The following ATP8A2 variants were observed in gnomAD, a reference collection of about 807,000 sequenced individuals.
ATP8A2 encodes the protein phospholipid-transporting ATPase IB.
ATP8A2 carries 100 observed loss-of-function variants against 165.6 expected under a neutral mutation model. The ratio of observed to expected loss-of-function variants is 0.60; its 90% CI spans 0.51 to 0.71. The LOEUF (loss-of-function observed/expected upper bound fraction) is 0.71, where lower values mean the gene tolerates loss of function less well. ATP8A2 is among the 30% of genes least tolerant of loss of function. The pLI is 0.00. For synonymous variants in ATP8A2, 543 were observed against 548.8 expected (o/e 0.99, Z 0.15); for missense variants, 1,227 against 1,479.5 (o/e 0.83, Z 2.80).
intron 30 of ATP8A2, among the ~76,000 whole-genome samples, chr13:25,858,484 G>A (rs777721207): frequency 2.0e-5 from 3 of 152,128 alleles, no homozygotes; most frequent in South Asian, 4.1e-4. Context: ...TGCTTTCCTG[G>A]TTCATCTTCC....
intron 27 of ATP8A2, among the ~76,000 whole-genome samples, chr13:25,781,344 A>T (rs899728023): frequency 6.6e-6 from 1 of 152,082 alleles, no homozygotes; most frequent in Non-Finnish European, 1.5e-5. Flanking sequence ...GTAGATGAAT[A>T]CTTTGATTTT....
intron 24 of ATP8A2, among the ~76,000 whole-genome samples, chr13:25,668,228 G>A (rs1442742025): frequency 6.6e-6 from 1 of 152,122 alleles, no homozygotes; most frequent in African/African-American, 2.4e-5. Flanking sequence ...GGCAGGCCTA[G>A]CTCCTTTAGC....
At chr13:26,016,284 G>C (rs1956971471) in intron 36 of ATP8A2, among the ~76,000 whole-genome samples, 1 of 152,174 alleles carries the variant, frequency 6.6e-6, no homozygotes, top group African/African-American at 2.4e-5. Context: ...ATTTAGCACA[G>C]ACCTCACGTT....
At chr13:25,978,767 C>T (rs1032303881) in intron 35 of ATP8A2, among the ~76,000 whole-genome samples, 3 of 152,034 alleles carry the variant, frequency 2.0e-5, no homozygotes, top group African/African-American at 7.2e-5. Flanking sequence ...CGTTAAAACC[C>T]GTCTCTACTA....
chr13:25,682,762 C>T (rs2042519416), intron 24 of ATP8A2, among the ~76,000 whole-genome samples: 1 of 152,074 alleles, frequency 6.6e-6, no homozygotes, highest in Admixed American at 6.5e-5. Context: ...TAAAGCATCC[C>T]CTGAACTCCC....
At chr13:25,717,983 G>T (rs982777230) in intron 25 of ATP8A2, among the ~76,000 whole-genome samples, 1 of 152,160 alleles carries the variant, frequency 6.6e-6, no homozygotes, top group African/African-American at 2.4e-5. Flanking sequence ...ATAAGGAAAA[G>T]GAAACAATCT....
At chr13:25,494,282 A>C (rs1278540860) in intron 2 of ATP8A2, among the ~76,000 whole-genome samples, 1 of 152,186 alleles carries the variant, frequency 6.6e-6, no homozygotes, top group Non-Finnish European at 1.5e-5. Flanking sequence ...AATTACAAGG[A>C]AAAGATCAGT....
chr13:25,708,361 A>C (rs564583827), intron 25 of ATP8A2, among the ~76,000 whole-genome samples: 1 of 152,246 alleles, frequency 6.6e-6, no homozygotes, highest in Non-Finnish European at 1.5e-5. Context: ...CATTAATACA[A>C]GAATGTGTCA....
At chr13:25,575,268 T>A (rs2039584168) in intron 19 of ATP8A2, among the ~76,000 whole-genome samples, 1 of 152,224 alleles carries the variant, frequency 6.6e-6, no homozygotes, top group Non-Finnish European at 1.5e-5. Context: ...TGACAAATGA[T>A]GACAGATGAG....
chr13:25,542,378 A>G (rs889993462), intron 9 of ATP8A2, among the ~76,000 whole-genome samples: 1 of 149,788 alleles, frequency 6.7e-6, no homozygotes, highest in East Asian at 1.9e-4. Context: ...AAATGTGTGT[A>G]TGTGTATTTT....
intron 35 of ATP8A2, among the ~76,000 whole-genome samples, chr13:25,997,064 C>T (rs7339273): frequency 0.6 from 91,527 of 151,604 alleles, 27,890 homozygotes; most frequent in East Asian, 0.81. Context: ...AGTGATCCTC[C>T]TGCCTTGGCC....
chr13:25,660,361 T>C (rs1297840512), intron 24 of ATP8A2, among the ~76,000 whole-genome samples: 4 of 152,186 alleles, frequency 2.6e-5, no homozygotes, highest in Admixed American at 2.6e-4. Context: ...CATCAACCAC[T>C]AGAGCCCAAT....
At chr13:25,381,929 G>A (rs527659338) in intron 1 of ATP8A2, among the ~76,000 whole-genome samples, 160 of 152,316 alleles carry the variant, frequency 1.1e-3, no homozygotes, top group African/African-American at 3.8e-3. Context: ...TTGTGATGAT[G>A]TCTGTGTTAA....
intron 33 of ATP8A2, among the ~76,000 whole-genome samples, chr13:25,916,592 A>G (rs1172386087): frequency 1.3e-5 from 2 of 152,194 alleles, no homozygotes; most frequent in Non-Finnish European, 2.9e-5. Flanking sequence ...ATGGGATCCA[A>G]TGTTTGATGT....
intron 27 of ATP8A2, among the ~76,000 whole-genome samples, chr13:25,798,914 G>A (rs1190552346): frequency 6.6e-6 from 1 of 152,052 alleles, no homozygotes; most frequent in African/African-American, 2.4e-5. Flanking sequence ...AGCTACTAGG[G>A]AGGCTGAGGC....
chr13:26,018,607 G>A (rs997347907), intron 36 of ATP8A2, among the ~76,000 whole-genome samples: 1 of 152,198 alleles, frequency 6.6e-6, no homozygotes, highest in African/African-American at 2.4e-5. Flanking sequence ...CCAGACCCCT[G>A]ACACAGAAGG....
chr13:25,491,957 T>C (rs2036540149), intron 2 of ATP8A2, among the ~76,000 whole-genome samples: 1 of 152,252 alleles, frequency 6.6e-6, no homozygotes, highest in African/African-American at 2.4e-5. Flanking sequence ...AGTTGTTACA[T>C]AGATATAAAA....
At chr13:25,469,576 A>G (rs2035784185) in intron 2 of ATP8A2, among the ~76,000 whole-genome samples, 1 of 152,174 alleles carries the variant, frequency 6.6e-6, no homozygotes. Flanking sequence ...GTGGTCCACG[A>G]CAATTGTTAA....
intron 25 of ATP8A2, among the ~76,000 whole-genome samples, chr13:25,753,047 G>A (rs1028088909): frequency 6.6e-6 from 1 of 152,190 alleles, no homozygotes; most frequent in South Asian, 2.1e-4. Flanking sequence ...TGGGGTCTTT[G>A]TGCCCTCCCT....
Sources: gnomAD v4.1 joint callset for allele counts (sites outside exome capture counted in the v4.1 genomes callset) on GRCh38, gnomAD v4.1.1 for gene constraint, MANE v1.5 for transcripts, NCBI Gene and HGNC (gene_info 2026-07-23, HGNC 2026-07-21) for gene names.